Variants in ACTR3C observed in about 807,000 individuals in gnomAD.
The protein encoded by ACTR3C is actin related protein 3C.
In ACTR3C, 18 loss-of-function variants were observed where a neutral mutation model predicts 26.3. That is an observed-to-expected ratio of 0.68 (90% CI 0.47 to 1.01). ACTR3C has a LOEUF of 1.01. ACTR3C is among the 50% of genes least tolerant of loss of function. The probability of loss-of-function intolerance (pLI) is 0.00; values close to 1 mark genes in which losing one functional copy is unlikely to be tolerated. For synonymous variants in ACTR3C, 55 were observed against 94.5 expected, an observed-to-expected ratio of 0.58 and a Z score of 2.42; for missense variants, 184 against 250.7, an observed-to-expected ratio of 0.73 and a Z score of 1.80.
chr7:150,234,669 C>T, the ACTR3C span, among the ~76,000 whole-genome samples: 1 of 152,168 alleles, frequency 6.6e-6, no homozygotes, highest in Non-Finnish European at 1.5e-5. Flanking sequence ...TGTGACTCCC[C>T]TAATTCATCT....
chr7:150,006,158 C>T, the ACTR3C span, among the ~76,000 whole-genome samples: 1 of 129,922 alleles, frequency 7.7e-6, no homozygotes, highest in African/African-American at 3.0e-5. Context: ...CTAAAGGCTT[C>T]CCAATAAATA....
At chr7:149,996,161 C>T in the ACTR3C span, among the ~76,000 whole-genome samples, 8 of 152,266 alleles carry the variant, frequency 5.3e-5, no homozygotes, top group South Asian at 2.1e-4. Context: ...GCCAGCAGTG[C>T]GGAAGCCCTC....
At chr7:150,035,993 G>C in the ACTR3C span, among the ~76,000 whole-genome samples, 3 of 134,280 alleles carry the variant, frequency 2.2e-5, no homozygotes, top group South Asian at 4.4e-4. Context: ...CCTGCCTCGC[G>C]GGGGGTGCCT....
At chr7:150,271,108 C>T (rs192664808) in intron 6 of ACTR3C, among the ~76,000 whole-genome samples, 4 of 138,816 alleles carry the variant, frequency 2.9e-5, no homozygotes, top group African/African-American at 1.3e-4. Flanking sequence ...GACTTGCCAT[C>T]TCCTAATAGA....
At chr7:150,036,043 G>A in the ACTR3C span, among the ~76,000 whole-genome samples, 3 of 125,112 alleles carry the variant, frequency 2.4e-5, no homozygotes, top group Non-Finnish European at 5.3e-5. Flanking sequence ...AAGGTGGGAA[G>A]AGGGGCTCGC....
the ACTR3C span, among the ~76,000 whole-genome samples, chr7:150,003,523 ATGTGGT>A: frequency 5.4e-5 from 8 of 148,470 alleles, no homozygotes; most frequent in Non-Finnish European, 1.0e-4. Flanking sequence ...GTGGTATGTG[ATGTGGT>A]ATGTGGTATG....
intron 1 of ACTR3C, among the ~76,000 whole-genome samples, chr7:150,310,510 C>T (rs1012636155): frequency 6.9e-5 from 10 of 144,334 alleles, no homozygotes; most frequent in African/African-American, 2.9e-4. Context: ...ATCAAATTGT[C>T]CTTCCCAACC....
At chr7:149,956,562 G>A in the ACTR3C span, among the ~76,000 whole-genome samples, 3 of 152,308 alleles carry the variant, frequency 2.0e-5, no homozygotes, top group African/African-American at 7.2e-5. Flanking sequence ...AGTAAACTTG[G>A]TGTGAATAAA....
At chr7:150,079,371 G>C in the ACTR3C span, among the ~76,000 whole-genome samples, 2 of 152,180 alleles carry the variant, frequency 1.3e-5, no homozygotes, top group African/African-American at 2.4e-5. Flanking sequence ...AATGGAGAAA[G>C]TGGTGACAGC....
At chr7:150,144,039 T>C in the ACTR3C span, among the ~76,000 whole-genome samples, 113 of 152,252 alleles carry the variant, frequency 7.4e-4, no homozygotes, top group South Asian at 2.1e-3. This position sits in a 1 kb window ranked among gnomAD's most constrained non-coding sequence, Gnocchi z 4.6. Flanking sequence ...CCATACATTT[T>C]CACTGAAATC....
At chr7:150,214,454 G>C in the ACTR3C span, among the ~76,000 whole-genome samples, 5 of 152,092 alleles carry the variant, frequency 3.3e-5, no homozygotes, top group South Asian at 1.0e-3. Flanking sequence ...ACAAACCACA[G>C]AATGCAGAAC....
chr7:150,207,118 C>T, the ACTR3C span, among the ~76,000 whole-genome samples: 4 of 152,128 alleles, frequency 2.6e-5, no homozygotes, highest in Non-Finnish European at 5.9e-5. Flanking sequence ...TGTGGGGAAG[C>T]GGAAAATGTT....
chr7:149,948,556 G>T, the ACTR3C span, among the ~76,000 whole-genome samples: 1 of 151,224 alleles, frequency 6.6e-6, no homozygotes. Flanking sequence ...TCCAGTCCAG[G>T]CCCGCTGGCT....
At chr7:150,215,609 C>A in the ACTR3C span, among the ~76,000 whole-genome samples, 1 of 152,148 alleles carries the variant, frequency 6.6e-6, no homozygotes, top group Non-Finnish European at 1.5e-5. Flanking sequence ...TCCCTTTTGG[C>A]TTTGGAGACA....
At chr7:149,930,772 C>G in the ACTR3C span, among the ~76,000 whole-genome samples, 1 of 152,248 alleles carries the variant, frequency 6.6e-6, no homozygotes, top group Admixed American at 6.5e-5. Context: ...ATGAGCCCCA[C>G]ACATACTTAA....
At chr7:149,916,202 A>G in the ACTR3C span, among the ~76,000 whole-genome samples, 1 of 110,252 alleles carries the variant, frequency 9.1e-6, no homozygotes, top group African/African-American at 3.0e-5. Flanking sequence ...CCTAATTCAA[A>G]AGAAGTAGGA....
downstream of ACTR3C, chr7:150,246,392 G>A (rs1723523112): frequency 6.6e-6 from 1 of 152,102 alleles, no homozygotes; most frequent in African/African-American, 2.4e-5. Context: ...ACCCTGATGG[G>A]GTGCAGTGCA....
the ACTR3C span, among the ~76,000 whole-genome samples, chr7:149,910,860 T>C: frequency 6.7e-6 from 1 of 149,592 alleles, no homozygotes; most frequent in Non-Finnish European, 1.5e-5. Flanking sequence ...AAAAAACAAG[T>C]CAGCTCCCCT....
chr7:150,236,989 A>G, the ACTR3C span, among the ~76,000 whole-genome samples: 3 of 151,624 alleles, frequency 2.0e-5, no homozygotes, highest in Non-Finnish European at 4.4e-5. Context: ...GAATAAATGT[A>G]ACTCTTTGGC....
Sources: gnomAD v4.1 joint callset for allele counts (sites outside exome capture counted in the v4.1 genomes callset) on GRCh38, gnomAD v4.1.1 for gene constraint, Gnocchi (gnomAD v3.1) non-coding constraint, MANE v1.5 for transcripts, NCBI Gene and HGNC (gene_info 2026-07-23, HGNC 2026-07-21) for gene names.